Variants in BCAS3 observed in about 807,000 individuals in gnomAD.
BCAS3 encodes the protein BCAS3 microtubule associated cell migration factor.
A neutral mutation model predicts 116.1 loss-of-function variants in BCAS3; 53 were observed. The ratio of observed to expected loss-of-function variants is 0.46; its 90% CI spans 0.37 to 0.57. The LOEUF (loss-of-function observed/expected upper bound fraction) is 0.57. BCAS3 is among the 20% of genes least tolerant of loss of function. The pLI, the probability that BCAS3 is intolerant of heterozygous loss-of-function variation, is 0.00. For missense variants in BCAS3, 917 were observed against 1,165.4 expected (o/e 0.79, Z 3.10); for synonymous variants, 391 against 408.2 (o/e 0.96, Z 0.51).
chr17:61,271,589 CTGTG>C (rs34693526), intron 22 of BCAS3, among the ~76,000 whole-genome samples: 6,681 of 118,310 alleles, frequency 0.056, 241 homozygotes, highest in African/African-American at 0.12. Context: ...ACGCCCAGCT[CTGTG>C]TGTGTGTGTG....
At chr17:60,776,707 A>G (rs1448946537) in intron 6 of BCAS3, among the ~76,000 whole-genome samples, 3 of 142,956 alleles carry the variant, frequency 2.1e-5, no homozygotes, top group Non-Finnish European at 4.5e-5. Context: ...TGATAGAGTG[A>G]GACTCCGTCT....
chr17:61,285,539 G>C lies in BCAS3; in HGVS notation c.2426-82788G>C, dbSNP rs916135283. Among the ~76,000 whole-genome samples, 5 of 152,164 alleles carry C rather than the reference G, an allele frequency of 3.3e-5. No individual in the cohort carries two copies. Among genetic ancestry groups the C allele is most frequent in the Admixed American group, 6.5e-5 (1 of 15,278 alleles). The stretch of plus-strand genomic sequence containing the variant: ...AAATGTTTACTCCTCTAATTAAGCA[G>C]AATTAAGGTCTGGGCTCAAAACTGT... On this transcript the variant is annotated intron_variant, in intron 22 of 23. Transcript: ENST00000407086. The surrounding 1 kb of genome is among the most constrained non-coding windows in gnomAD (Gnocchi z 5.4).
At chr17:61,284,415 G>A (rs1174669637) in intron 22 of BCAS3, among the ~76,000 whole-genome samples, 2 of 152,120 alleles carry the variant, frequency 1.3e-5, no homozygotes, top group Non-Finnish European at 2.9e-5. Context: ...ACCACGAACC[G>A]ACCGGAAGGA....
rs2144336862 is a variant in BCAS3 at position 61,211,698 on chromosome 17, T to C, written c.2425+127134T>C. 1.3e-5 allele frequency among the ~76,000 whole-genome samples: 2 copies of C among 151,138 alleles called. No individual in the cohort carries two copies. The highest frequency in any genetic ancestry group is 4.2e-4 in the South Asian group (2 of 4,778). ...AAAAAAAAAAAAAATGCCACTGACA[T>C]TACAGCCAAGGAACCATCATTGTAC... On this transcript the variant is annotated intron_variant, in intron 22 of 23. Transcript: ENST00000407086. The surrounding 1 kb of genome is among the most constrained non-coding windows in gnomAD (Gnocchi z 4.4).
intron 7 of BCAS3, among the ~76,000 whole-genome samples, chr17:60,823,628 G>C (rs761196458): frequency 3.7e-4 from 56 of 152,158 alleles, no homozygotes; most frequent in Non-Finnish European, 8.8e-5. Flanking sequence ...TGTAGAATAA[G>C]AGAAGTTAAT....
At position 61,136,040 on chromosome 17, in the gene BCAS3, T is replaced by G. The variant is rs527560930; in HGVS notation, c.2425+51476T>G. 2.1e-3 allele frequency: 333 copies of G among 158,564 alleles called. 1 individual carries two copies. Among genetic ancestry groups the G allele is most frequent in the Non-Finnish European group, 3.6e-3 (261 of 71,770 alleles). 9.8% of individuals were successfully genotyped at this position (158,564 alleles called of 1,614,324 possible). On this transcript the variant is annotated intron_variant, in intron 22 of 23. Transcript: ENST00000407086. This position sits in a 1 kb window ranked among gnomAD's most constrained non-coding sequence, Gnocchi z 4.4. ...CATGGCCACCGCCACTGCCGCCGCC[T>G]CCTCCTTCTTCCCTGCACCCCTTCG...
At position 61,368,495 on chromosome 17, in the gene BCAS3, G is replaced by T. The variant is rs768279673; in HGVS notation, c.2593+1G>T. 2.5e-6 allele frequency: 4 copies of T among 1,598,174 alleles called. No individual in the cohort carries two copies. The highest frequency in any genetic ancestry group is 3.4e-6 in the Non-Finnish European group (4 of 1,167,328). On this transcript the variant is annotated splice_donor_variant, in intron 23 of 23. Coordinates refer to ENST00000407086, the MANE Select transcript of BCAS3 (RefSeq NM_017679.5). LOFTEE classifies it high-confidence loss of function. The surrounding 1 kb of genome is among the most constrained non-coding windows in gnomAD (Gnocchi z 6.0). Reference sequence around the variant, plus strand: ...CGGGACGTCGTGGGATCCGGAACAGGTAAAGGTGTCATCAGACTTCTAGCC... The same window carrying T: ...CGGGACGTCGTGGGATCCGGAACAGTTAAAGGTGTCATCAGACTTCTAGCC...
intron 22 of BCAS3, among the ~76,000 whole-genome samples, chr17:61,113,113 T>C (rs1187766533): frequency 3.3e-5 from 2 of 60,738 alleles, no homozygotes; most frequent in African/African-American, 7.0e-5. Flanking sequence ...TTTATAGCAC[T>C]AAATGCCCAC....
intron 22 of BCAS3, among the ~76,000 whole-genome samples, chr17:61,185,079 T>C (rs1457566616): frequency 2.0e-5 from 3 of 150,066 alleles, no homozygotes; most frequent in Non-Finnish European, 4.5e-5. Flanking sequence ...AATGGGTGAG[T>C]TTAATTAAGG....
chr17:61,321,665 T>C (rs1412195514), intron 22 of BCAS3, among the ~76,000 whole-genome samples: 1 of 152,136 alleles, frequency 6.6e-6, no homozygotes, highest in Non-Finnish European at 1.5e-5. Context: ...TTGGTCTTTA[T>C]CATCAGGGAT....
At chr17:60,839,622 ATTAC>A (rs781683137) in intron 7 of BCAS3, among the ~76,000 whole-genome samples, 1 of 152,048 alleles carries the variant, frequency 6.6e-6, no homozygotes, top group African/African-American at 2.4e-5. Context: ...TTTCTTTTTA[ATTAC>A]TTAATTAAAA....
At chr17:60,799,173 AT>A (rs1306979644) in intron 6 of BCAS3, among the ~76,000 whole-genome samples, 1 of 152,208 alleles carries the variant, frequency 6.6e-6, no homozygotes, top group African/African-American at 2.4e-5. Flanking sequence ...ATTATTTAAT[AT>A]TAAAGAAAAC....
At chr17:60,973,121 G>A (rs2062067732) in intron 14 of BCAS3, among the ~76,000 whole-genome samples, 1 of 151,938 alleles carries the variant, frequency 6.6e-6, no homozygotes, top group Non-Finnish European at 1.5e-5. Context: ...GTTATAAAAT[G>A]TTTGCTGCTG....
At chr17:61,218,923 A>G (rs2081956252) in intron 22 of BCAS3, among the ~76,000 whole-genome samples, 1 of 152,178 alleles carries the variant, frequency 6.6e-6, no homozygotes, top group African/African-American at 2.4e-5. Context: ...GAGCTACTAA[A>G]TGGAATGATA....
rs2066478710 is a variant in BCAS3, at chr17:61,029,452, G to A, written c.1638-5214G>A. 6.6e-6 allele frequency among the ~76,000 whole-genome samples: 1 copy of A among 151,894 alleles called. No individual in the cohort carries two copies. The highest frequency in any genetic ancestry group is 2.1e-4 in the South Asian group (1 of 4,830). ...TAGTTTAGGATATTTGAGTTTGGAT[G>A]ACTATATAAAATAATACAAAAGAAT... On this transcript the variant is annotated intron_variant, in intron 16 of 23. Transcript: ENST00000407086. The surrounding 1 kb of genome is among the most constrained non-coding windows in gnomAD (Gnocchi z 5.2).
At chr17:60,851,869 G>T (rs2053201340) in intron 7 of BCAS3, 8 of 1,430,796 alleles carry the variant, frequency 5.6e-6, no homozygotes, top group Non-Finnish European at 7.5e-6. Flanking sequence ...TTTAAGAAGG[G>T]AATCTCACCT....
At position 61,189,383 on chromosome 17, in the gene BCAS3, A is replaced by G. The variant is rs2079968601; in HGVS notation, c.2425+104819A>G. 6.6e-6 allele frequency among the ~76,000 whole-genome samples: 1 copy of G among 152,256 alleles called. No homozygotes were observed. The highest frequency in any genetic ancestry group is 6.5e-5 in the Admixed American group (1 of 15,294). ...CATATAAAGTCCTAGCAGGCAAGTC[A>G]TAAGATATTAATCCAGAGCAGTGTG... On this transcript the variant is annotated intron_variant, in intron 22 of 23. Transcript: ENST00000407086. The surrounding 1 kb of genome is among the most constrained non-coding windows in gnomAD (Gnocchi z 4.5).
At chr17:60,778,454 A>G (rs2045508323) in intron 6 of BCAS3, among the ~76,000 whole-genome samples, 2 of 152,322 alleles carry the variant, frequency 1.3e-5, no homozygotes, top group South Asian at 2.1e-4. Flanking sequence ...ATTTTCTGTA[A>G]TTGAATAAAT....
chr17:61,077,502 G>A lies in BCAS3; in HGVS notation c.2131-831G>A, dbSNP rs879938756. On this transcript the variant is annotated intron_variant, in intron 20 of 23. Coordinates refer to ENST00000407086, the MANE Select transcript of BCAS3 (RefSeq NM_017679.5). The surrounding 1 kb of genome is among the most constrained non-coding windows in gnomAD (Gnocchi z 4.3). ...ACTGCACTCCAGTCTGGGCAACAGA[G>A]CGAGACTCCGTCTCAAAAAAAAAAT... 2.0e-5 allele frequency among the ~76,000 whole-genome samples: 3 copies of A among 152,084 alleles called. No individual in the cohort carries two copies. The highest frequency in any genetic ancestry group is 2.9e-5 in the Non-Finnish European group (2 of 68,024).
Sources: gnomAD v4.1 joint callset for allele counts (sites outside exome capture counted in the v4.1 genomes callset) on GRCh38, gnomAD v4.1.1 for gene constraint, Gnocchi (gnomAD v3.1) non-coding constraint, MANE v1.5 for transcripts, NCBI Gene and HGNC (gene_info 2026-07-23, HGNC 2026-07-21) for gene names.